The following NECAP2 variants were observed in gnomAD, a reference collection of about 807,000 sequenced individuals.
The protein encoded by NECAP2 is adaptin ear-binding coat-associated protein 2.
Under a neutral mutation model 37.8 loss-of-function variants are expected in NECAP2, and 38 were observed. The observed-to-expected ratio is 1.01, with a 90% confidence interval of 0.78 to 1.32. The LOEUF (loss-of-function observed/expected upper bound fraction) is 1.32. Among genes scored for constraint, NECAP2 ranks in the 40% most tolerant of loss-of-function variants. The pLI, the probability that NECAP2 is intolerant of heterozygous loss-of-function variation, is 0.00. For missense variants in NECAP2, 316 were observed against 334.5 expected (o/e 0.94, Z 0.43); for synonymous variants, 121 against 127.7 (o/e 0.95, Z 0.35).
At chr1:16,457,866 C>T (rs569754723) in intron 7 of NECAP2, among the ~76,000 whole-genome samples, 4 of 151,962 alleles carry the variant, frequency 2.6e-5, no homozygotes, top group Admixed American at 6.6e-5. Flanking sequence ...ATTGCCACCA[C>T]ACCCGGCTAA....
At chr1:16,452,399 C>T (rs1290893497) in intron 6 of NECAP2, among the ~76,000 whole-genome samples, 1 of 144,670 alleles carries the variant, frequency 6.9e-6, no homozygotes. Context: ...AGGGCCTAGA[C>T]CCACCATCAG....
intron 7 of NECAP2, among the ~76,000 whole-genome samples, chr1:16,456,458 C>T (rs1316933644): frequency 1.3e-5 from 2 of 152,166 alleles, no homozygotes; most frequent in East Asian, 1.9e-4. Flanking sequence ...CAAATCTGGG[C>T]CTTTAAACCG....
At chr1:16,445,344 T>C (rs993143488) in intron 2 of NECAP2, among the ~76,000 whole-genome samples, 1 of 152,190 alleles carries the variant, frequency 6.6e-6, no homozygotes, top group Non-Finnish European at 1.5e-5. Context: ...TTTGGAGAGC[T>C]GTGGAGCCCA....
intron 5 of NECAP2, chr1:16,451,624 G>T: frequency 1.7e-6 from 1 of 592,136 alleles, no homozygotes. Context: ...AATGAAGTGG[G>T]GGTGCTGGGT....
intron 5 of NECAP2, chr1:16,449,582 G>A (rs2086811818): frequency 9.8e-6 from 2 of 203,852 alleles, no homozygotes; most frequent in South Asian, 1.8e-4. Flanking sequence ...AGGAACAGCA[G>A]GTGCAAAGCC....
intron 7 of NECAP2, 119 bp downstream of exon 7, chr1:16,456,012 A>AT: frequency 1.7e-6 from 1 of 580,012 alleles, no homozygotes; most frequent in Non-Finnish European, 2.9e-6. Flanking sequence ...TTTAATTTGG[A>AT]TGTTTTCTTT....
intron 1 of NECAP2, 77 bp from the exon 2 acceptor site, chr1:16,443,555 C>T: frequency 1.8e-6 from 2 of 1,103,878 alleles, no homozygotes; most frequent in African/African-American, 1.5e-5. Context: ...CTAGAATAAG[C>T]AGCCCTTTCC....
chr1:16,446,499 C>G (rs1372685533), intron 2 of NECAP2, among the ~76,000 whole-genome samples: 2 of 151,752 alleles, frequency 1.3e-5, no homozygotes, highest in African/African-American at 4.8e-5. Flanking sequence ...TTCGAGGCTG[C>G]AGTGAGCTAT....
rs2086905820 is a variant in NECAP2, at chr1:16,455,638, G to A, written c.668-180G>A. 6 of 599,242 alleles carry A rather than the reference G, an allele frequency of 1.0e-5. No individual in the cohort carries two copies. The East Asian group carries it at 1.1e-4, about 11-fold the overall frequency. The allele number at this position is 599,242 out of a possible 1,614,324, so 37.1% of individuals were successfully genotyped here. A position where few individuals can be genotyped will look rare whatever the true frequency, so the allele number is the denominator to read the frequency against. On this transcript the variant is annotated intron_variant, in intron 6 of 7. Transcript: ENST00000337132. ...AAGGGCTGGTGAGAAGATGCTGGAA[G>A]TGTGGCAACTCAGGGTGTTTGGTTG...
rs1017341038 is a variant in NECAP2, at chr1:16,443,847, CAG to C, written c.193+119_193+120del. ...GTCATGGGAACCTGTCCTGAAAAAT[CAG>C]AGACGTGTGTGTACCTTTAAGCTGT... On this transcript the variant is annotated intron_variant, in intron 2 of 7. Transcript: ENST00000337132. 8.0e-4 allele frequency: 601 copies of C among 753,538 alleles called. 5 individuals carry two copies. The highest frequency in any genetic ancestry group is 1.0e-4 in the Non-Finnish European group (44 of 426,878). 46.7% of individuals were successfully genotyped at this position (753,538 alleles called of 1,614,324 possible).
rs936473384 is a variant in NECAP2, at chr1:16,440,730, C to A, written c.-32C>A. ...CGTCGGACAGAGGAACGGTGGAAGT[C>A]GCCGGAAGTTCGGTGGGCTCCAGGC... is the stretch of plus-strand genomic sequence containing the variant. On this transcript the variant is annotated 5_prime_UTR_variant, in exon 1 of 8. Transcript: ENST00000337132. 6.3e-7 allele frequency: 1 copy of A among 1,595,234 alleles called. No homozygotes were observed. Among genetic ancestry groups the A allele is most frequent in the Non-Finnish European group, 8.6e-7 (1 of 1,163,058 alleles).
intron 1 of NECAP2, among the ~76,000 whole-genome samples, chr1:16,442,959 C>T (rs1174389271): frequency 6.6e-6 from 1 of 152,206 alleles, no homozygotes; most frequent in African/African-American, 2.4e-5. Context: ...GCTGTAGGTT[C>T]ATGGTTTCCT....
chr1:16,448,264 A>C (rs1570262159), intron 4 of NECAP2, 123 bp downstream of exon 4: 1 of 927,736 alleles, frequency 1.1e-6, no homozygotes. Context: ...ACTCAGGAGA[A>C]CCCAGGACAA....
chr1:16,440,829 C>T lies in NECAP2; in HGVS notation c.68C>T (p.Pro23Leu), dbSNP rs1214229290. 16 of 1,614,054 alleles carry T rather than the reference C, an allele frequency of 9.9e-6. No homozygotes were observed. The highest frequency in any genetic ancestry group is 1.4e-5 in the Non-Finnish European group (16 of 1,179,994). ...GACGTCCACGTCTACCGCATCCCTCCGCGGGCTACCAACCGTGGCTACAGG... is the reference window on the plus strand; with the variant it reads ...GACGTCCACGTCTACCGCATCCCTCTGCGGGCTACCAACCGTGGCTACAGG... ...KPDVHVYRIPPRATNRGYRAA... is the reference protein window; with the variant it reads ...KPDVHVYRIPLRATNRGYRAA... Residue 23 changes from proline (P) to leucine (L), a missense_variant, in exon 1 of 8, where the codon CCG (proline) becomes CTG (leucine). By Grantham distance (98) the Pro-to-Leu change is moderately conservative (BLOSUM62 -3). Coordinates refer to ENST00000337132, the MANE Select transcript of NECAP2 (RefSeq NM_018090.5).
At chr1:16,448,625 G>A (rs190083529) in intron 4 of NECAP2, among the ~76,000 whole-genome samples, 7 of 152,296 alleles carry the variant, frequency 4.6e-5, no homozygotes, top group Non-Finnish European at 7.3e-5. Context: ...TCCCTTACCG[G>A]TGCTGCTGGG....
At chr1:16,443,368 A>G (rs2086716261) in intron 1 of NECAP2, among the ~76,000 whole-genome samples, 1 of 152,256 alleles carries the variant, frequency 6.6e-6, no homozygotes, top group African/African-American at 2.4e-5. Context: ...TTTGATTGAA[A>G]TACAGCTGTG....
rs1228385143 is a variant in NECAP2, at chr1:16,451,823, C to G, written c.490-15C>G. On this transcript the variant is annotated splice_polypyrimidine_tract_variant and intron_variant, in intron 5 of 7. Coordinates refer to ENST00000337132, the MANE Select transcript of NECAP2 (RefSeq NM_018090.5). ...CAGCAGAACGGGCTGATTTGCATTCCTCTTCCCTCTTTAGAACATGAAGAA... is the reference window on the plus strand; with the variant it reads ...CAGCAGAACGGGCTGATTTGCATTCGTCTTCCCTCTTTAGAACATGAAGAA... The G allele has an allele frequency of 1.9e-6, 3 of 1,614,020 alleles. No homozygotes were observed. Among genetic ancestry groups the G allele is most frequent in the Non-Finnish European group, 1.7e-6 (2 of 1,179,938 alleles).
rs754852717 is a variant in NECAP2, at chr1:16,458,939, T to G, written c.*49T>G. On this transcript the variant is annotated 3_prime_UTR_variant, in exon 8 of 8. Coordinates refer to ENST00000337132, the MANE Select transcript of NECAP2 (RefSeq NM_018090.5). ...TGACTTCTGGGAAGGCGCTCCCTCA[T>G]CTGGGCCAAAGGAAGGAGGACGAAG... 6.2e-7 allele frequency: 1 copy of G among 1,613,990 alleles called. No homozygotes were observed. Among genetic ancestry groups the G allele is most frequent in the East Asian group, 2.2e-5 (1 of 44,856 alleles).
chr1:16,446,259 A>T (rs2086760337), intron 2 of NECAP2, among the ~76,000 whole-genome samples: 2 of 152,184 alleles, frequency 1.3e-5, no homozygotes, highest in African/African-American at 2.4e-5. Context: ...TCAGTAGAAG[A>T]TATATGGTTA....
Sources: allele counts gnomAD v4.1 joint callset (sites outside exome capture counted in the v4.1 genomes callset), GRCh38; gene constraint gnomAD v4.1.1; transcripts MANE v1.5; gene names NCBI Gene and HGNC (gene_info 2026-07-23, HGNC 2026-07-21).